Variants in HPSE2 observed in about 807,000 individuals in gnomAD.
HPSE2 encodes the protein heparanase 2 (inactive).
In HPSE2, 38 loss-of-function variants were observed where a neutral mutation model predicts 60.5. That is an observed-to-expected ratio of 0.63 (90% confidence interval 0.48 to 0.82). The LOEUF is 0.82. Ranked by LOEUF, HPSE2 falls within the 40% of genes least tolerant of loss-of-function variation. The probability of loss-of-function intolerance (pLI) is 0.00; values close to 1 mark genes in which losing one functional copy is unlikely to be tolerated. For missense variants in HPSE2, 713 were observed against 740.4 expected (o/e 0.96, Z 0.43); for synonymous variants, 295 against 293.2 (o/e 1.01, Z -0.06).
intron 3 of HPSE2, among the ~76,000 whole-genome samples, chr10:98,987,412 T>A (rs142654287): frequency 1.3e-5 from 2 of 152,172 alleles, no homozygotes; most frequent in African/African-American, 4.8e-5. Context: ...ATTATCTCAA[T>A]AGATGCAGAA....
At chr10:98,906,038 T>TAA (rs1230968415) in intron 3 of HPSE2, among the ~76,000 whole-genome samples, 1 of 152,166 alleles carries the variant, frequency 6.6e-6, no homozygotes, top group Non-Finnish European at 1.5e-5. Context: ...TCCAAGGTCT[T>TAA]GCTGCCTGCA....
chr10:99,240,071 C>A (rs1449179500), upstream of HPSE2, among the ~76,000 whole-genome samples: 1 of 152,026 alleles, frequency 6.6e-6, no homozygotes. Context: ...TGCCTGTAAT[C>A]CCAACTACTC....
At chr10:99,313,332 C>G in the HPSE2 span, among the ~76,000 whole-genome samples, 1 of 152,202 alleles carries the variant, frequency 6.6e-6, no homozygotes, top group East Asian at 1.9e-4. Context: ...GTTCCCATCA[C>G]TGCATATGTG....
chr10:99,028,351 GT>G (rs1403474967), intron 3 of HPSE2, among the ~76,000 whole-genome samples: 3 of 152,020 alleles, frequency 2.0e-5, no homozygotes, highest in African/African-American at 7.3e-5. Flanking sequence ...TATGTCAACA[GT>G]GAAAAATGGG....
intron 9 of HPSE2, among the ~76,000 whole-genome samples, chr10:98,609,107 T>C (rs1403692465): frequency 3.3e-5 from 5 of 152,220 alleles, no homozygotes; most frequent in Non-Finnish European, 7.3e-5. Flanking sequence ...TATGGCTAAC[T>C]GGCCCTTTTT....
chr10:98,745,575 G>A (rs564568777), intron 3 of HPSE2, among the ~76,000 whole-genome samples: 2 of 152,122 alleles, frequency 1.3e-5, no homozygotes, highest in Admixed American at 6.6e-5. Flanking sequence ...GTTGATGTCA[G>A]CCAGTTTATT....
intron 3 of HPSE2, among the ~76,000 whole-genome samples, chr10:98,831,923 G>A (rs1156433637): frequency 6.6e-6 from 1 of 152,190 alleles, no homozygotes; most frequent in Non-Finnish European, 1.5e-5. Context: ...TGACAGGCGA[G>A]TCCAATCCAC....
In HPSE2 at chr10:98,998,178, A is replaced by C. The variant is rs550805461; in HGVS notation, c.610+146060T>G. Among the ~76,000 whole-genome samples the C allele has an allele frequency of 6.6e-5, 10 of 152,350 alleles. No individual in the cohort carries two copies. In the South Asian group the frequency reaches 2.1e-3, roughly 32 times the overall value. ...GAAGCTCAAGCCAACACTTAGTTGG[A>C]TATATTTCATCACAGGCAAATAGAA... On this transcript the variant is annotated intron_variant, in intron 3 of 11. Coordinates refer to ENST00000370552, the MANE Select transcript of HPSE2 (RefSeq NM_021828.5).
At chr10:98,980,885 C>G (rs554703624) in intron 3 of HPSE2, among the ~76,000 whole-genome samples, 1 of 152,082 alleles carries the variant, frequency 6.6e-6, no homozygotes, top group Admixed American at 6.6e-5. Flanking sequence ...ATTTTGGTTG[C>G]CAAATCAAAA....
the HPSE2 span, among the ~76,000 whole-genome samples, chr10:99,306,222 T>C: frequency 6.6e-6 from 1 of 152,166 alleles, no homozygotes; most frequent in Non-Finnish European, 1.5e-5. Flanking sequence ...CTAAAAGTGA[T>C]GAAAGATCCA....
intron 3 of HPSE2, among the ~76,000 whole-genome samples, chr10:99,004,041 A>C (rs1728965890): frequency 6.6e-6 from 1 of 151,976 alleles, no homozygotes; most frequent in Non-Finnish European, 1.5e-5. Context: ...ATTTTATTTG[A>C]TATAAGTATA....
chr10:98,833,821 T>C (rs1345954630), intron 3 of HPSE2, among the ~76,000 whole-genome samples: 1 of 152,108 alleles, frequency 6.6e-6, no homozygotes, highest in Non-Finnish European at 1.5e-5. Flanking sequence ...CTTTAAAACA[T>C]CTGGTACAAT....
At chr10:98,593,150 G>A (rs1178068088) in intron 9 of HPSE2, among the ~76,000 whole-genome samples, 1 of 152,134 alleles carries the variant, frequency 6.6e-6, no homozygotes, top group African/African-American at 2.4e-5. Context: ...AGGAAAAATT[G>A]ATCCATCTAT....
chr10:99,161,720 A>G (rs1478569248), intron 2 of HPSE2, among the ~76,000 whole-genome samples: 1 of 152,238 alleles, frequency 6.6e-6, no homozygotes, highest in Non-Finnish European at 1.5e-5. Flanking sequence ...AAAAGTCACA[A>G]AAATAATACA....
intron 3 of HPSE2, among the ~76,000 whole-genome samples, chr10:98,994,199 T>C (rs565504872): frequency 6.6e-6 from 1 of 152,216 alleles, no homozygotes; most frequent in Non-Finnish European, 1.5e-5. Context: ...TGTGGGCTTA[T>C]AACCACAGAA....
intron 2 of HPSE2, among the ~76,000 whole-genome samples, chr10:99,155,875 A>T (rs1476663814): frequency 1.3e-5 from 2 of 151,964 alleles, no homozygotes; most frequent in African/African-American, 4.8e-5. Context: ...ATAAAGAAAA[A>T]AAGAAGAATC....
chr10:98,743,949 T>C lies in HPSE2; in HGVS notation c.718A>G (p.Ser240Gly), dbSNP rs567104405. ...CTGTACTTCAACAGACTCAGGGCAC[T>C]AGAACTGTTCCAGGAGTTATTGGGA... ...RNPNNSWNSS[S>G]ALSLLKYSAS... is the part of the protein sequence containing the mutation. Residue 240 changes from serine (S) to glycine (G), a missense_variant, in exon 4 of 12, where the codon AGT becomes GGT. Ser to Gly is a moderately conservative substitution (Grantham distance 56). Coordinates refer to ENST00000370552, the MANE Select transcript of HPSE2 (RefSeq NM_021828.5). 1 of 1,614,090 alleles carries C rather than the reference T, an allele frequency of 6.2e-7. No individual in the cohort carries two copies. The highest frequency in any genetic ancestry group is 1.1e-5 in the South Asian group (1 of 91,086).
intron 5 of HPSE2, among the ~76,000 whole-genome samples, chr10:98,710,590 G>A (rs1481590800): frequency 2.6e-5 from 4 of 152,138 alleles, no homozygotes; most frequent in Admixed American, 2.0e-4. Context: ...GAAAAAATAA[G>A]TTAATTACCA....
At position 98,501,379 on chromosome 10, in the gene HPSE2, G is replaced by A. The variant is rs142638671; in HGVS notation, c.1321-11183C>T. ...ATCAAGGGGATTTCATACTAGGGAT[G>A]TAGGAATGGTTTATCATATGCAAGT... On this transcript the variant is annotated intron_variant, in intron 9 of 11. Transcript: ENST00000370552. Among the ~76,000 whole-genome samples, 6 of 152,320 alleles carry A rather than the reference G, an allele frequency of 3.9e-5. No individual in the cohort carries two copies. In the East Asian group the frequency reaches 1.2e-3, roughly 29 times the overall value.
Sources: allele counts gnomAD v4.1 joint callset (sites outside exome capture counted in the v4.1 genomes callset), GRCh38; gene constraint gnomAD v4.1.1; transcripts MANE v1.5; gene names NCBI Gene and HGNC (gene_info 2026-07-23, HGNC 2026-07-21).